Variants in INPP4A observed in about 807,000 individuals in gnomAD.
The protein encoded by INPP4A is inositol polyphosphate-4-phosphatase type I A, also known as inositol polyphosphate-4-phosphatase, type I, 107kD.
Under a neutral mutation model 119.8 loss-of-function variants are expected in INPP4A, and 33 were observed. That is an observed-to-expected ratio of 0.28 (90% confidence interval 0.21 to 0.37). The LOEUF (loss-of-function observed/expected upper bound fraction) is 0.37. Among genes scored for constraint, INPP4A ranks in the 10% least tolerant of loss-of-function variants. The probability of loss-of-function intolerance (pLI) is 1.00; values close to 1 mark genes in which losing one functional copy is unlikely to be tolerated. For synonymous variants in INPP4A, 496 were observed against 500.7 expected (o/e 0.99, Z 0.12); for missense variants, 956 against 1,289.9 (o/e 0.74, Z 3.97).
chr2:98,515,898 C>A (rs1309945819), intron 1 of INPP4A, among the ~76,000 whole-genome samples: 1 of 152,222 alleles, frequency 6.6e-6, no homozygotes, highest in Non-Finnish European at 1.5e-5. Context: ...TGGGATAGAA[C>A]CTCAGGGTTT....
At chr2:98,527,498 A>G (rs1043734743) in intron 4 of INPP4A, among the ~76,000 whole-genome samples, 4 of 152,210 alleles carry the variant, frequency 2.6e-5, no homozygotes, top group Non-Finnish European at 5.9e-5. Flanking sequence ...TCACAGGGAG[A>G]TTTGAAAAGC....
At chr2:98,504,316 T>C (rs895304425) in intron 1 of INPP4A, among the ~76,000 whole-genome samples, 3 of 152,254 alleles carry the variant, frequency 2.0e-5, no homozygotes, top group Admixed American at 6.5e-5. Flanking sequence ...TTTGTGTCTC[T>C]GCTAAGTGTT....
intron 16 of INPP4A, among the ~76,000 whole-genome samples, chr2:98,556,980 T>C (rs921066847): frequency 1.3e-5 from 2 of 152,244 alleles, no homozygotes; most frequent in Admixed American, 1.3e-4. Context: ...TTTTAAAATT[T>C]TCTGAAAATT....
At chr2:98,453,456 C>T (rs956396696) in intron 1 of INPP4A, among the ~76,000 whole-genome samples, 1 of 152,176 alleles carries the variant, frequency 6.6e-6, no homozygotes, top group African/African-American at 2.4e-5. Context: ...TCTAGTTATT[C>T]ACATGTAGTG....
chr2:98,472,671 G>T, intron 1 of INPP4A, among the ~76,000 whole-genome samples: 1 of 152,254 alleles, frequency 6.6e-6, no homozygotes, highest in East Asian at 1.9e-4. Context: ...AGGGTCTGTG[G>T]TGGGTCTTCA....
Position 98,587,826 on chromosome 2 carries a change from G to A in INPP4A, c.*218G>A. 7.0e-6 allele frequency: 3 copies of A among 427,778 alleles called. No individual in the cohort carries two copies. Among genetic ancestry groups the A allele is most frequent in the Non-Finnish European group, 1.2e-5 (3 of 244,522 alleles). 26.5% of individuals were successfully genotyped at this position (427,778 alleles called of 1,614,324 possible). A position where few individuals can be genotyped will look rare whatever the true frequency, so the allele number is the denominator to read the frequency against. On this transcript the variant is annotated 3_prime_UTR_variant, in exon 25 of 25. Transcript: ENST00000409851. Reference sequence around the variant, plus strand: ...GAGGTAATGTTTGGCTCAATAGTGTGGATAGTAACAACTGCCTATTTAAAT... The same window carrying A: ...GAGGTAATGTTTGGCTCAATAGTGTAGATAGTAACAACTGCCTATTTAAAT...
At chr2:98,516,554 T>C (rs942930829) in intron 1 of INPP4A, among the ~76,000 whole-genome samples, 1 of 152,102 alleles carries the variant, frequency 6.6e-6, no homozygotes. Context: ...TGTGTCCCTC[T>C]GTTAGGTGGC....
At chr2:98,543,633 A>C (rs951588774) in intron 10 of INPP4A, among the ~76,000 whole-genome samples, 14 of 152,118 alleles carry the variant, frequency 9.2e-5, no homozygotes, top group African/African-American at 3.4e-4. Flanking sequence ...ACATTAGACT[A>C]AATTCCCGTG....
intron 21 of INPP4A, among the ~76,000 whole-genome samples, chr2:98,567,794 G>A (rs1696742906): frequency 6.6e-6 from 1 of 152,224 alleles, no homozygotes; most frequent in Non-Finnish European, 1.5e-5. Flanking sequence ...GCCCCCAAGG[G>A]AGCAGGCGTC....
intron 11 of INPP4A, among the ~76,000 whole-genome samples, chr2:98,544,529 G>T (rs1692131202): frequency 6.6e-6 from 1 of 152,208 alleles, no homozygotes; most frequent in Admixed American, 6.5e-5. Context: ...AATGGAGTGT[G>T]AATGAACACC....
At chr2:98,509,328 C>T (rs557121836) in intron 1 of INPP4A, among the ~76,000 whole-genome samples, 1 of 152,302 alleles carries the variant, frequency 6.6e-6, no homozygotes, top group South Asian at 2.1e-4. Context: ...TGTCAATCAG[C>T]GGTGGCATTA....
intron 24 of INPP4A, among the ~76,000 whole-genome samples, chr2:98,586,335 TG>T (rs755091821): frequency 2.2e-4 from 33 of 151,814 alleles, no homozygotes; most frequent in African/African-American, 6.8e-4. Context: ...TTGCCACTGA[TG>T]TTTTTTTTTT....
Position 98,555,687 on chromosome 2 carries a change from G to T in INPP4A, c.1701G>T (p.Lys567Asn). The change falls in exon 16 of 25, where the codon AAG becomes AAT. Residue 567 changes from lysine to asparagine, a missense_variant. Around this residue, in one of 2 missense-constraint regions of INPP4A, gnomAD observed 652 missense variants for 797.9 expected, o/e 0.82. Transcript: ENST00000409851. ...CCTGTGCAGGCAGCTGCACCAGCAA[G>T]AAAGGTAACCCGGACAGCCACGCCT... ...VFPCAGSCTSKKGNPDSHAYW... is the reference protein window; with the variant it reads ...VFPCAGSCTSNKGNPDSHAYW... The T allele has an allele frequency of 3.7e-6, 6 of 1,613,896 alleles. No individual in the cohort carries two copies. Among genetic ancestry groups the T allele is most frequent in the Non-Finnish European group, 5.1e-6 (6 of 1,179,834 alleles).
At chr2:98,450,769 T>C (rs556156199) in intron 1 of INPP4A, among the ~76,000 whole-genome samples, 1 of 152,180 alleles carries the variant, frequency 6.6e-6, no homozygotes, top group East Asian at 1.9e-4. Context: ...AGTTGTCTCT[T>C]TCTGTTTTTT....
intron 1 of INPP4A, among the ~76,000 whole-genome samples, chr2:98,457,703 AG>A (rs1696370410): frequency 6.6e-6 from 1 of 152,250 alleles, no homozygotes; most frequent in African/African-American, 2.4e-5. Context: ...GGTTTATTAA[AG>A]CTGTTTGAGC....
intron 10 of INPP4A, among the ~76,000 whole-genome samples, chr2:98,542,861 G>A (rs1691735784): frequency 6.6e-6 from 1 of 150,950 alleles, no homozygotes; most frequent in Non-Finnish European, 1.5e-5. Context: ...CACACATAAA[G>A]ACAAGGTCAG....
chr2:98,493,826 A>G (rs979305898), intron 1 of INPP4A, among the ~76,000 whole-genome samples: 1 of 152,190 alleles, frequency 6.6e-6, no homozygotes, highest in Non-Finnish European at 1.5e-5. Context: ...TGAGTATAAC[A>G]TTTTGTTGAT....
intron 11 of INPP4A, among the ~76,000 whole-genome samples, chr2:98,545,692 G>A (rs557933788): frequency 3.9e-5 from 6 of 152,132 alleles, no homozygotes; most frequent in South Asian, 2.1e-4. Context: ...GGAAGGCGCA[G>A]CATCGTTACC....
Position 98,577,004 on chromosome 2 carries a change from A to G in INPP4A, c.2647A>G (p.Asn883Asp), listed in dbSNP as rs1451799059. Reference protein sequence around the residue: ...WQAAEICRRLNGVRFTSCKSA... With the variant: ...WQAAEICRRLDGVRFTSCKSA... ...CTGTTGGCAGATCTGCCGCCGCCTT[A>G]ATGGGGTCCGGTTCACCAGCTGCAA... is the stretch of plus-strand genomic sequence containing the variant. Residue 883 changes from asparagine to aspartate, a missense_variant, in exon 24 of 25, where the codon AAT becomes GAT. Around this residue, in one of 2 missense-constraint regions of INPP4A, gnomAD observed 304 missense variants for 492.1 expected, o/e 0.62. Coordinates refer to ENST00000409851, the MANE Select transcript of INPP4A (RefSeq NM_001134225.2). The G allele has an allele frequency of 6.2e-7, 1 of 1,612,966 alleles. No homozygotes were observed. Among genetic ancestry groups the G allele is most frequent in the Non-Finnish European group, 8.5e-7 (1 of 1,179,126 alleles).
Sources: allele counts gnomAD v4.1 joint callset (sites outside exome capture counted in the v4.1 genomes callset), GRCh38; gene constraint gnomAD v4.1.1; regional missense constraint gnomAD v4.1.1; transcripts MANE v1.5; gene names NCBI Gene and HGNC (gene_info 2026-07-23, HGNC 2026-07-21).